DAPK2: variants seen among roughly 807,000 people sequenced by gnomAD.
The protein encoded by DAPK2 is death-associated protein kinase 2.
In DAPK2, 35 loss-of-function variants were observed where a neutral mutation model predicts 44.1. The observed-to-expected ratio is 0.79, with a 90% CI of 0.61 to 1.05. The LOEUF is 1.05. Ranked by LOEUF, DAPK2 falls within the 50% of genes least tolerant of loss-of-function variation. DAPK2 has a pLI of 0.00. For missense variants in DAPK2, 453 were observed against 483.2 expected (o/e 0.94, Z 0.59); for synonymous variants, 174 against 182.6 (o/e 0.95, Z 0.38).
intron 3 of DAPK2, among the ~76,000 whole-genome samples, chr15:63,959,589 C>T (rs1022357400): frequency 3.9e-5 from 6 of 152,150 alleles, no homozygotes; most frequent in Non-Finnish European, 8.8e-5. Context: ...TGTTGAGGGC[C>T]TTTTCTGCAT....
At chr15:63,910,164 A>G (rs1350974547) in intron 10 of DAPK2, among the ~76,000 whole-genome samples, 2 of 151,078 alleles carry the variant, frequency 1.3e-5, no homozygotes, top group Non-Finnish European at 2.9e-5. Flanking sequence ...TGCCCTGCAT[A>G]GGAGACGAGG....
At position 63,936,825 on chromosome 15, in the gene DAPK2, T is replaced by TA. The variant is rs1363794488; in HGVS notation, c.583+2406dup. Among the ~76,000 whole-genome samples, 3 of 151,376 alleles carry TA rather than the reference T, an allele frequency of 2.0e-5. No homozygotes were observed. In the East Asian group the frequency reaches 5.8e-4, roughly 29 times the overall value. ...TGAGACCCCACCTCAAAAAAATTTT[T>TA]AAAAAATTGCCAGGCATAATGGTGC... On this transcript the variant is annotated intron_variant, in intron 4 of 10. Transcript: ENST00000261891.
intron 1 of DAPK2, among the ~76,000 whole-genome samples, chr15:63,991,047 A>G (rs921426255): frequency 6.6e-6 from 1 of 152,098 alleles, no homozygotes; most frequent in Non-Finnish European, 1.5e-5. Flanking sequence ...GGCCACTCCA[A>G]ATCCCATGAA....
At position 64,013,762 on chromosome 15, in the gene DAPK2, A is replaced by G. The variant is rs534308750; in HGVS notation, c.92+26408T>C. Reference sequence around the variant, plus strand: ...GGATTTGAGAAATTATTCATTCTGGAAAACTACAGTTGGCCTCATATCACA... The same window carrying G: ...GGATTTGAGAAATTATTCATTCTGGGAAACTACAGTTGGCCTCATATCACA... On this transcript the variant is annotated intron_variant, in intron 1 of 10. Coordinates refer to ENST00000261891, the Ensembl canonical transcript of DAPK2. The surrounding 1 kb of genome is among the most constrained non-coding windows in gnomAD (Gnocchi z 4.7). Among the ~76,000 whole-genome samples the G allele has an allele frequency of 1.3e-5, 2 of 152,350 alleles. No individual in the cohort carries two copies. Among genetic ancestry groups the G allele is most frequent in the South Asian group, 4.1e-4 (2 of 4,828 alleles).
chr15:63,966,473 C>A lies in DAPK2; in HGVS notation c.453+4950G>T, dbSNP rs1356667057. ...TAGGTGTACCCTCCAAGTCCTCTGG[C>A]TCCAAGCACAGCACAGGACCAGGAC... On this transcript the variant is annotated intron_variant, in intron 3 of 10. Coordinates refer to ENST00000261891, the Ensembl canonical transcript of DAPK2. The surrounding 1 kb of genome is among the most constrained non-coding windows in gnomAD (Gnocchi z 5.5). Among the ~76,000 whole-genome samples the A allele has an allele frequency of 6.6e-6, 1 of 152,170 alleles. No individual in the cohort carries two copies. The highest frequency in any genetic ancestry group is 2.4e-5 in the African/African-American group (1 of 41,434).
chr15:64,031,368 G>T (rs986947138), intron 1 of DAPK2, among the ~76,000 whole-genome samples: 1 of 152,086 alleles, frequency 6.6e-6, no homozygotes, highest in Non-Finnish European at 1.5e-5. Flanking sequence ...AAGTAGCTGG[G>T]ACTACAGGCG....
chr15:63,962,373 G>A (rs2077928496), intron 3 of DAPK2, among the ~76,000 whole-genome samples: 1 of 152,218 alleles, frequency 6.6e-6, no homozygotes, highest in Admixed American at 6.5e-5. Flanking sequence ...TCTCCGTCCA[G>A]CTTTGTTCCA....
Position 63,927,312 on chromosome 15 carries a change from T to C in DAPK2, c.660-1219A>G, listed in dbSNP as rs530707220. ...GAGTTGGTCCTTACCCCACGCTTGG[T>C]ACACTTCAGCCACACTTAAGGTTTA... On this transcript the variant is annotated intron_variant, in intron 6 of 10. Transcript: ENST00000261891. 1.2e-4 allele frequency among the ~76,000 whole-genome samples: 18 copies of C among 152,258 alleles called. 1 individual carries two copies. The South Asian group carries it at 3.1e-3, about 26-fold the overall frequency.
At chr15:63,922,235 G>A (rs1049932076) in intron 8 of DAPK2, 1 of 974,688 alleles carries the variant, frequency 1.0e-6, no homozygotes, top group Non-Finnish European at 1.2e-6. Context: ...TGCTTGGTAA[G>A]TGAAAAATCA....
At position 63,955,124 on chromosome 15, in the gene DAPK2, A is replaced by C. The variant is rs1487415171; in HGVS notation, c.454-15763T>G. 2.0e-5 allele frequency among the ~76,000 whole-genome samples: 3 copies of C among 152,184 alleles called. 1 individual carries two copies. The highest frequency in any genetic ancestry group is 7.2e-5 in the African/African-American group (3 of 41,446). On this transcript the variant is annotated intron_variant, in intron 3 of 10. Coordinates refer to ENST00000261891, the Ensembl canonical transcript of DAPK2. ...GGATAATTTTACCTCTTCCTGTCCAATTTGGACGCCCTTTATTTCTTTCTC... is the reference window on the plus strand; with the variant it reads ...GGATAATTTTACCTCTTCCTGTCCACTTTGGACGCCCTTTATTTCTTTCTC...
chr15:64,036,342 T>TATATATAC (rs2080209546), intron 1 of DAPK2, among the ~76,000 whole-genome samples: 2 of 134,286 alleles, frequency 1.5e-5, no homozygotes, highest in Non-Finnish European at 3.2e-5. Flanking sequence ...TATATACATA[T>TATATATAC]ATATATATAT....
chr15:63,975,603 T>C (rs1010636349), intron 2 of DAPK2, among the ~76,000 whole-genome samples: 2 of 97,908 alleles, frequency 2.0e-5, no homozygotes, highest in Non-Finnish European at 2.0e-5. Context: ...TCTTTTCTTT[T>C]CTTTTTTTTT....
exon 11 of DAPK2, chr15:63,907,105 G>C (rs1436999656): frequency 6.6e-6 from 1 of 152,144 alleles, no homozygotes; most frequent in Non-Finnish European, 1.5e-5. Context: ...GGTGTCAGCA[G>C]GGTTGGTTTC....
At chr15:63,977,623 C>T (rs2078390002) in intron 2 of DAPK2, among the ~76,000 whole-genome samples, 1 of 152,152 alleles carries the variant, frequency 6.6e-6, no homozygotes, top group Non-Finnish European at 1.5e-5. Flanking sequence ...TACATGGTGT[C>T]ATCATCAGGG....
At chr15:63,928,686 G>C (rs954680508) in intron 6 of DAPK2, among the ~76,000 whole-genome samples, 3 of 152,158 alleles carry the variant, frequency 2.0e-5, no homozygotes, top group Non-Finnish European at 4.4e-5. Context: ...GATGGAAAGT[G>C]ATAGTATCAT....
intron 3 of DAPK2, among the ~76,000 whole-genome samples, chr15:63,961,375 T>G (rs1240748950): frequency 6.6e-6 from 1 of 152,226 alleles, no homozygotes; most frequent in African/African-American, 2.4e-5. Context: ...GTGAATTTGA[T>G]CCTGTCATTA....
rs2078067741 is a variant in DAPK2 at position 63,966,874 on chromosome 15, T to C, written c.453+4549A>G. On this transcript the variant is annotated intron_variant, in intron 3 of 10. Transcript: ENST00000261891. The surrounding 1 kb of genome is among the most constrained non-coding windows in gnomAD (Gnocchi z 5.5). ...CCCTCTTCAGTGCCTCTTTCTGTGA[T>C]ATGAAATTAAAACCAGGTACTGTGG... Among the ~76,000 whole-genome samples the C allele has an allele frequency of 6.6e-6, 1 of 152,154 alleles. No individual in the cohort carries two copies. The highest frequency in any genetic ancestry group is 1.5e-5 in the Non-Finnish European group (1 of 68,016).
rs546441001 is a variant in DAPK2 at position 64,022,077 on chromosome 15, G to A, written c.92+18093C>T. Among the ~76,000 whole-genome samples, 3 of 152,228 alleles carry A rather than the reference G, an allele frequency of 2.0e-5. No homozygotes were observed. The South Asian group carries it at 6.2e-4, about 32-fold the overall frequency. ...CACTTACCTTGCAAAGAGGAAAGCA[G>A]GGTAACAAAAAGGGAAGGGAAACAT... On this transcript the variant is annotated intron_variant, in intron 1 of 10. Coordinates refer to ENST00000261891, the Ensembl canonical transcript of DAPK2.
chr15:64,035,989 C>G (rs1479566784), intron 1 of DAPK2, among the ~76,000 whole-genome samples: 1 of 151,984 alleles, frequency 6.6e-6, no homozygotes, highest in African/African-American at 2.4e-5. Context: ...ACATGTGGAC[C>G]AGGCCAGGGC....
Sources: allele counts gnomAD v4.1 joint callset (sites outside exome capture counted in the v4.1 genomes callset), GRCh38; gene constraint gnomAD v4.1.1; non-coding constraint Gnocchi (gnomAD v3.1); transcripts MANE v1.5; gene names NCBI Gene and HGNC (gene_info 2026-07-23, HGNC 2026-07-21).